Variants in NUGGC observed in about 807,000 individuals in gnomAD.
NUGGC encodes the protein nuclear GTPase SLIP-GC.
A neutral mutation model predicts 92.6 loss-of-function variants in NUGGC; 58 were observed. That is an observed-to-expected ratio of 0.63 (90% CI 0.51 to 0.78). NUGGC has a LOEUF of 0.78. Among genes scored for constraint, NUGGC ranks in the 30% least tolerant of loss-of-function variants. The pLI is 0.00. For synonymous variants in NUGGC, 376 were observed against 366.4 expected, an observed-to-expected ratio of 1.03 and a Z score of -0.30; for missense variants, 925 against 964.6, an observed-to-expected ratio of 0.96 and a Z score of 0.54.
chr8:28,057,914 G>A (rs184315619), intron 9 of NUGGC, among the ~76,000 whole-genome samples: 12 of 152,258 alleles, frequency 7.9e-5, no homozygotes, highest in Admixed American at 3.9e-4. Context: ...AGTTCAGGCC[G>A]GGCGCGGTGG....
At chr8:28,067,817 T>G in intron 5 of NUGGC, 73 bp from the exon 6 acceptor site, 1 of 1,201,706 alleles carries the variant, frequency 8.3e-7, no homozygotes, top group Non-Finnish European at 1.2e-6. Flanking sequence ...AGGGGCCCAT[T>G]GCCCCCTGTG....
chr8:28,031,439 C>T, intron 14 of NUGGC, 58 bp from the exon 15 acceptor site: 3 of 1,541,192 alleles, frequency 1.9e-6, no homozygotes, highest in South Asian at 1.1e-5. Flanking sequence ...GAGGCTGAAA[C>T]AAACACGAAA....
chr8:28,050,847 T>C (rs1375208230), intron 10 of NUGGC, among the ~76,000 whole-genome samples: 1 of 151,974 alleles, frequency 6.6e-6, no homozygotes, highest in Non-Finnish European at 1.5e-5. Flanking sequence ...TTTTTAAAAA[T>C]CTACCTGAAA....
Position 28,062,302 on chromosome 8 carries a change from A to G in NUGGC, c.922-1701T>C, listed in dbSNP as rs143581422. ...AACCATTACAGCCCTTCTGCTGCCC[A>G]AACTATAATCAACTTAGAAAAGCTT... On this transcript the variant is annotated intron_variant, in intron 7 of 18. Transcript: ENST00000413272. 6.7e-3 allele frequency among the ~76,000 whole-genome samples: 1,014 copies of G among 152,276 alleles called. 14 individuals are homozygous for G. Among genetic ancestry groups the G allele is most frequent in the African/African-American group, 0.023 (965 of 41,548 alleles).
chr8:28,037,396 C>A (rs1285098643), intron 13 of NUGGC, among the ~76,000 whole-genome samples: 3 of 152,148 alleles, frequency 2.0e-5, no homozygotes, highest in Admixed American at 2.0e-4. Context: ...CCTTCCTCCC[C>A]TGAAATGCCT....
intron 7 of NUGGC, 72 bp from the exon 8 acceptor site, chr8:28,060,673 G>T: frequency 7.1e-7 from 1 of 1,415,732 alleles, no homozygotes; most frequent in Non-Finnish European, 9.6e-7. Context: ...GTTCCCTAAT[G>T]TATCCCTTAA....
intron 2 of NUGGC, among the ~76,000 whole-genome samples, chr8:28,071,584 C>T (rs1459600943): frequency 6.6e-6 from 1 of 152,154 alleles, no homozygotes; most frequent in East Asian, 1.9e-4. Context: ...ATCTTTGTAG[C>T]TCTGCGGAGA....
intron 1 of NUGGC, among the ~76,000 whole-genome samples, chr8:28,083,334 G>A (rs925526708): frequency 4.6e-5 from 7 of 152,094 alleles, no homozygotes; most frequent in Non-Finnish European, 7.4e-5. Flanking sequence ...CTAATAATGA[G>A]AAAAACATCA....
intron 13 of NUGGC, among the ~76,000 whole-genome samples, chr8:28,040,016 G>A (rs539199981): frequency 1.6e-4 from 24 of 152,282 alleles, no homozygotes; most frequent in Admixed American, 1.4e-3. Flanking sequence ...GGCCACGTGA[G>A]GATGCAGCAA....
At chr8:28,062,077 C>T (rs1200568190) in intron 7 of NUGGC, among the ~76,000 whole-genome samples, 1 of 152,244 alleles carries the variant, frequency 6.6e-6, no homozygotes, top group South Asian at 2.1e-4. Flanking sequence ...GGCTCAATGC[C>T]CTCTACCCTC....
At chr8:28,053,487 A>G (rs78988132) in intron 10 of NUGGC, among the ~76,000 whole-genome samples, 3 of 106,914 alleles carry the variant, frequency 2.8e-5, no homozygotes, top group Admixed American at 9.9e-5. Flanking sequence ...CCCATCTGGG[A>G]AAAAAAAAAA....
rs775910905 is a variant in NUGGC, at chr8:28,029,275, C to T, written c.2145G>A (p.Gln715=). 42 of 1,605,374 alleles carry T rather than the reference C, an allele frequency of 2.6e-5. No individual in the cohort carries two copies. Among genetic ancestry groups the T allele is most frequent in the Middle Eastern group, 3.3e-4 (2 of 6,070 alleles). Residue 715 remains glutamine, a synonymous_variant, in exon 17 of 19, where the codon CAG becomes CAA. Coordinates refer to ENST00000413272, the MANE Select transcript of NUGGC (RefSeq NM_001010906.2). The part of the protein sequence containing the change: ...RAQERMQHQF[Q]QLKTGIVEKV... The stretch of plus-strand genomic sequence containing the variant: ...TGTGGGCATAGAGTACCTTCAGCTG[C>T]TGAAACTGGTGCTGCATCCTTTCCT...
At chr8:28,069,295 T>A (rs1810525503) in intron 4 of NUGGC, among the ~76,000 whole-genome samples, 1 of 152,138 alleles carries the variant, frequency 6.6e-6, no homozygotes, top group Non-Finnish European at 1.5e-5. Flanking sequence ...ATGGAAGTGA[T>A]CATAATAGCT....
At chr8:28,045,495 G>A (rs768624571) in intron 12 of NUGGC, 32 bp downstream of exon 12, 1 of 1,600,396 alleles carries the variant, frequency 6.2e-7, no homozygotes, top group Admixed American at 1.7e-5. Context: ...CCCAGGAAGG[G>A]GGAGAATATG....
chr8:28,067,428 T>C, intron 6 of NUGGC, 86 bp downstream of exon 6: 1 of 830,306 alleles, frequency 1.2e-6, no homozygotes, highest in Non-Finnish European at 2.0e-6. Flanking sequence ...ACAAACACTG[T>C]ACCACAAGCC....
chr8:28,074,207 A>C (rs1006029134), intron 2 of NUGGC, among the ~76,000 whole-genome samples, 161 bp downstream of exon 2: 1 of 151,832 alleles, frequency 6.6e-6, no homozygotes, highest in Non-Finnish European at 1.5e-5. Context: ...GAAATATCTG[A>C]TCTTCATTCA....
chr8:28,071,211 C>A (rs919494217), intron 2 of NUGGC, among the ~76,000 whole-genome samples: 8 of 152,064 alleles, frequency 5.3e-5, no homozygotes, highest in Non-Finnish European at 8.8e-5. Context: ...CATTCTTCAC[C>A]AAATGCCAAG....
intron 13 of NUGGC, among the ~76,000 whole-genome samples, chr8:28,035,940 T>G (rs1809543582): frequency 6.6e-6 from 1 of 152,244 alleles, no homozygotes; most frequent in African/African-American, 2.4e-5. Context: ...TGGAGTGCAG[T>G]GGCACGACCA....
rs201017070 is a variant in NUGGC at position 28,060,480 on chromosome 8, T to C, written c.1043A>G (p.Asp348Gly). 45 of 1,613,784 alleles carry C rather than the reference T, an allele frequency of 2.8e-5. No individual in the cohort carries two copies. The highest frequency in any genetic ancestry group is 3.6e-5 in the Non-Finnish European group (43 of 1,179,866). The change falls in exon 8 of 19, where the codon GAC becomes GGC. Residue 348 changes from aspartate (D) to glycine (G), a missense_variant. By Grantham distance (94) the Asp-to-Gly change is moderately conservative. Transcript: ENST00000413272. ...CATCTTGGTGACCACCAGGGCCACG[T>C]CCCTACAGAAGCCCCGCTGGCAGGC... ...IKACQRGFCR[D>G]VALVVTKMDK...
Sources: allele counts gnomAD v4.1 joint callset (sites outside exome capture counted in the v4.1 genomes callset), GRCh38; gene constraint gnomAD v4.1.1; transcripts MANE v1.5; gene names NCBI Gene and HGNC (gene_info 2026-07-23, HGNC 2026-07-21).